GUCY1A1: variants seen among roughly 807,000 people sequenced by gnomAD.
GUCY1A1 encodes guanylate cyclase soluble subunit alpha-1.
GUCY1A1 carries 48 observed loss-of-function variants against 64.5 expected under a neutral mutation model. The observed-to-expected ratio is 0.74, with a 90% CI of 0.59 to 0.95. GUCY1A1 has a LOEUF of 0.95. GUCY1A1 is among the 40% of genes least tolerant of loss of function. The pLI, the probability that GUCY1A1 is intolerant of heterozygous loss-of-function variation, is 0.00. For synonymous variants in GUCY1A1, 308 were observed against 303.4 expected (o/e 1.02, Z -0.16); for missense variants, 804 against 825.3 (o/e 0.97, Z 0.32).
chr4:155,714,762 C>T lies in GUCY1A1; in HGVS notation c.1572+1179C>T, dbSNP rs540004274. 2.6e-5 allele frequency among the ~76,000 whole-genome samples: 4 copies of T among 152,214 alleles called. No individual in the cohort carries two copies. In the East Asian group the frequency reaches 7.7e-4, roughly 29 times the overall value. ...AGTAAAACCTTACTTTTAAAAATTCCTAACAGGAAAGTCCAAACAGAGCCA... is the reference window on the plus strand; with the variant it reads ...AGTAAAACCTTACTTTTAAAAATTCTTAACAGGAAAGTCCAAACAGAGCCA... On this transcript the variant is annotated intron_variant, in intron 7 of 9. Coordinates refer to ENST00000506455, the MANE Select transcript of GUCY1A1 (RefSeq NM_001130682.3).
At position 155,696,943 on chromosome 4, in the gene GUCY1A1, C is replaced by G. The variant is rs1730491259; in HGVS notation, c.76C>G (p.Pro26Ala). 3 of 1,613,074 alleles carry G rather than the reference C, an allele frequency of 1.9e-6. No individual in the cohort carries two copies. The highest frequency in any genetic ancestry group is 2.5e-6 in the Non-Finnish European group (3 of 1,179,244). Residue 26 changes from proline (P) to alanine (A), a missense_variant, in exon 3 of 10, where the codon CCT (proline) becomes GCT (alanine). Transcript: ENST00000506455. ...PFSLLAPGQV[P>A]NESSEEAAGS... ...CTCCTTACTGGCACCAGGTCAAGTT[C>G]CTAACGAGTCTTCAGAGGAGGCAGC...
intron 2 of GUCY1A1, among the ~76,000 whole-genome samples, chr4:155,670,901 G>A (rs947723925): frequency 6.6e-6 from 1 of 152,106 alleles, no homozygotes; most frequent in Non-Finnish European, 1.5e-5. Context: ...TTCTTAGGGG[G>A]GAAGCAAATG....
intron 2 of GUCY1A1, among the ~76,000 whole-genome samples, chr4:155,679,898 A>C (rs1262506785): frequency 6.6e-6 from 1 of 151,536 alleles, no homozygotes; most frequent in East Asian, 1.9e-4. Flanking sequence ...ACAATTGTGG[A>C]TCTCTATCTC....
chr4:155,694,468 G>A (rs1486329821), intron 2 of GUCY1A1, among the ~76,000 whole-genome samples: 1 of 152,170 alleles, frequency 6.6e-6, no homozygotes, highest in African/African-American at 2.4e-5. Flanking sequence ...GGAGTGACTA[G>A]AGGAGATGAG....
intron 2 of GUCY1A1, among the ~76,000 whole-genome samples, chr4:155,689,585 G>A (rs1240936140): frequency 6.6e-6 from 1 of 152,134 alleles, no homozygotes; most frequent in Non-Finnish European, 1.5e-5. Context: ...ATGTGAATTT[G>A]AATACTTAAA....
chr4:155,729,641 G>A (rs1735272464), intron 9 of GUCY1A1, among the ~76,000 whole-genome samples: 1 of 151,744 alleles, frequency 6.6e-6, no homozygotes, highest in African/African-American at 2.4e-5. Context: ...CAAAATTAAT[G>A]AATTGATAAA....
chr4:155,717,014 T>C (rs555907877), intron 7 of GUCY1A1, 145 bp from the exon 8 acceptor site: 2 of 523,220 alleles, frequency 3.8e-6, no homozygotes, highest in Non-Finnish European at 6.4e-6. Flanking sequence ...AAGAAAGCCA[T>C]TTCTGGGCGT....
At chr4:155,688,046 AC>A (rs1423661310) in intron 2 of GUCY1A1, among the ~76,000 whole-genome samples, 3 of 151,236 alleles carry the variant, frequency 2.0e-5, no homozygotes, top group Non-Finnish European at 4.4e-5. Context: ...ACACAGTGAA[AC>A]CCCGTCTCTA....
chr4:155,696,689 T>C (rs1730453140), intron 2 of GUCY1A1, 67 bp from the exon 3 acceptor site: 1 of 531,614 alleles, frequency 1.9e-6, no homozygotes, highest in Non-Finnish European at 3.3e-6. Flanking sequence ...TGCTCACCTG[T>C]CTTTTTCTGT....
intron 8 of GUCY1A1, among the ~76,000 whole-genome samples, 198 bp downstream of exon 8, chr4:155,717,500 T>C (rs1005125232): frequency 6.6e-6 from 1 of 152,162 alleles, no homozygotes; most frequent in East Asian, 1.9e-4. Context: ...TACAGAATCA[T>C]TGAGAGGACA....
intron 2 of GUCY1A1, among the ~76,000 whole-genome samples, chr4:155,695,455 C>T (rs1192086424): frequency 6.6e-6 from 1 of 152,050 alleles, no homozygotes; most frequent in Non-Finnish European, 1.5e-5. Flanking sequence ...ATGTTCCTCA[C>T]TGAATTTTAA....
chr4:155,722,428 A>C (rs779147246), intron 9 of GUCY1A1: 40 of 1,334,290 alleles, frequency 3.0e-5, no homozygotes, highest in Non-Finnish European at 3.8e-5. Flanking sequence ...CAGATATTAC[A>C]TAGTCTTCCA....
In GUCY1A1 at chr4:155,710,955, C is replaced by G; in HGVS notation, c.790C>G (p.Pro264Ala). ...CTCCGTTCACATGAAAAGCACCAAG[C>G]CATCCCTGTCCCCCAGCAAACCCCA... ...LYSVHMKSTK[P>A]SLSPSKPQSS... The change falls in exon 6 of 10, where the codon CCA (proline) becomes GCA (alanine). Residue 264 changes from proline to alanine, a missense_variant. Coordinates refer to ENST00000506455, the MANE Select transcript of GUCY1A1 (RefSeq NM_001130682.3). The G allele has an allele frequency of 6.8e-6, 11 of 1,613,470 alleles. No individual in the cohort carries two copies. Among genetic ancestry groups the G allele is most frequent in the Non-Finnish European group, 9.3e-6 (11 of 1,179,374 alleles).
chr4:155,688,337 A>G (rs907903539), intron 2 of GUCY1A1, among the ~76,000 whole-genome samples: 1 of 152,112 alleles, frequency 6.6e-6, no homozygotes, highest in Non-Finnish European at 1.5e-5. Flanking sequence ...ATGTCTCTAC[A>G]TCAAGGATGT....
Position 155,730,214 on chromosome 4 carries a change from G to C in GUCY1A1, c.2056G>C (p.Ala686Pro), listed in dbSNP as rs762316669. Residue 686 changes from alanine to proline, a missense_variant, in exon 10 of 10, where the codon GCA becomes CCA. Ala to Pro is a conservative substitution (Grantham distance 27, BLOSUM62 -1). Coordinates refer to ENST00000506455, the MANE Select transcript of GUCY1A1 (RefSeq NM_001130682.3). ...EDGNANFLGK[A>P]SGID ...TGGCAATGCCAATTTTTTAGGCAAA[G>C]CATCAGGAATAGATTAGCAACCTAT... The C allele has an allele frequency of 6.2e-7, 1 of 1,607,696 alleles. No individual in the cohort carries two copies. The highest frequency in any genetic ancestry group is 1.1e-5 in the South Asian group (1 of 90,942).
At chr4:155,707,520 C>G (rs1731938284) in intron 4 of GUCY1A1, among the ~76,000 whole-genome samples, 2 of 152,014 alleles carry the variant, frequency 1.3e-5, no homozygotes, top group South Asian at 4.2e-4. Context: ...GTACTCCATA[C>G]CTGTAGCATG....
chr4:155,697,739 GT>G (rs1730599338), intron 3 of GUCY1A1, among the ~76,000 whole-genome samples: 1 of 152,070 alleles, frequency 6.6e-6, no homozygotes, highest in Non-Finnish European at 1.5e-5. Flanking sequence ...GTGTTATTAG[GT>G]CTCACACTTC....
chr4:155,720,417 G>T (rs1396049056), intron 8 of GUCY1A1, among the ~76,000 whole-genome samples: 2 of 151,886 alleles, frequency 1.3e-5, no homozygotes, highest in Non-Finnish European at 2.9e-5. Context: ...TCCTAAAAGA[G>T]ACAAAGCCAG....
At chr4:155,698,317 C>A (rs1362591622) in intron 3 of GUCY1A1, among the ~76,000 whole-genome samples, 1 of 152,132 alleles carries the variant, frequency 6.6e-6, no homozygotes, top group Non-Finnish European at 1.5e-5. Flanking sequence ...TGGCAGATAA[C>A]CTTTGAAATG....
Sources: gnomAD v4.1 joint callset for allele counts (sites outside exome capture counted in the v4.1 genomes callset) on GRCh38, gnomAD v4.1.1 for gene constraint, MANE v1.5 for transcripts, NCBI Gene and HGNC (gene_info 2026-07-23, HGNC 2026-07-21) for gene names.